The following CPA6 variants were observed in gnomAD, a reference collection of about 807,000 sequenced individuals.
CPA6 encodes carboxypeptidase B.
CPA6 carries 58 observed loss-of-function variants against 63.3 expected under a neutral mutation model. The ratio of observed to expected loss-of-function variants is 0.92; its 90% CI spans 0.74 to 1.14. The LOEUF (loss-of-function observed/expected upper bound fraction) is 1.14. Ranked by LOEUF, CPA6 falls within the 50% of genes most tolerant of loss-of-function variation. The pLI, the probability that CPA6 is intolerant of heterozygous loss-of-function variation, is 0.00. For missense variants in CPA6, 565 were observed against 526.6 expected (o/e 1.07, Z -0.71); for synonymous variants, 185 against 179.0 (o/e 1.03, Z -0.27).
At chr8:67,573,935 T>C (rs1003425277) in intron 2 of CPA6, among the ~76,000 whole-genome samples, 2 of 134,608 alleles carry the variant, frequency 1.5e-5, no homozygotes, top group Non-Finnish European at 3.2e-5. Flanking sequence ...GGAAAGAAAC[T>C]GAAGAAGACA....
intron 1 of CPA6, among the ~76,000 whole-genome samples, chr8:67,744,995 A>G (rs568195124): frequency 6.6e-6 from 1 of 152,326 alleles, no homozygotes; most frequent in African/African-American, 2.4e-5. Context: ...AGAGAAAGAG[A>G]AATACAATTC....
intron 2 of CPA6, among the ~76,000 whole-genome samples, chr8:67,611,568 C>T (rs1814808473): frequency 6.6e-6 from 1 of 152,232 alleles, no homozygotes; most frequent in African/African-American, 2.4e-5. Flanking sequence ...GATCTACCCT[C>T]TTTTTGTCTT....
Position 67,518,000 on chromosome 8 carries a change from T to C in CPA6, c.240A>G (p.Thr80=). The C allele has an allele frequency of 6.2e-7, 1 of 1,613,088 alleles. No homozygotes were observed. Among genetic ancestry groups the C allele is most frequent in the East Asian group, 2.2e-5 (1 of 44,854 alleles). The stretch of plus-strand genomic sequence containing the variant: ...TTTGGGGGATATGGACATCAGTAAC[T>C]GTTCCCTCTGATACATAGGAGATAC... ...PSSISYVSEG[T]VTDVHIPQNG... Residue 80 remains threonine (T), a synonymous_variant, in exon 3 of 11, where the codon ACA becomes ACG. Transcript: ENST00000297770.
intron 2 of CPA6, among the ~76,000 whole-genome samples, chr8:67,576,356 A>G (rs1813626144): frequency 6.6e-6 from 1 of 152,218 alleles, no homozygotes. Context: ...ATCTGGAACC[A>G]CCAGACTTAA....
At chr8:67,436,232 CG>C (rs1810149407) in intron 8 of CPA6, among the ~76,000 whole-genome samples, 2 of 152,058 alleles carry the variant, frequency 1.3e-5, no homozygotes, top group Non-Finnish European at 2.9e-5. Flanking sequence ...AGGAGAGAGG[CG>C]AGAGGCAAGG....
chr8:67,490,463 G>T (rs921891661), intron 6 of CPA6, among the ~76,000 whole-genome samples: 1 of 152,066 alleles, frequency 6.6e-6, no homozygotes, highest in Non-Finnish European at 1.5e-5. Context: ...TGCACCACAC[G>T]CCTCAGTGTG....
intron 8 of CPA6, among the ~76,000 whole-genome samples, chr8:67,466,616 A>T (rs573866263): frequency 1.4e-3 from 206 of 152,236 alleles, no homozygotes; most frequent in Non-Finnish European, 2.1e-3. Context: ...CTTTCCTCTT[A>T]ACACTGCCTT....
intron 10 of CPA6, among the ~76,000 whole-genome samples, chr8:67,423,331 C>T (rs556501837): frequency 1.4e-4 from 21 of 152,338 alleles, no homozygotes; most frequent in South Asian, 6.2e-4. Flanking sequence ...CTGATCCTCC[C>T]GCCTTGGCCT....
Position 67,706,148 on chromosome 8 carries a change from G to A in CPA6, c.116+39866C>T, listed in dbSNP as rs534817629. Among the ~76,000 whole-genome samples the A allele has an allele frequency of 1.2e-4, 18 of 152,184 alleles. No homozygotes were observed. The South Asian group carries it at 3.5e-3, about 30-fold the overall frequency. ...GAAAAAACGTTATACAATTTTAAAG[G>A]TTATTAGGCCTACTAAATGCTTCAT... is the stretch of plus-strand genomic sequence containing the variant. On this transcript the variant is annotated intron_variant, in intron 1 of 10. Transcript: ENST00000297770.
chr8:67,448,362 TG>T (rs1177134843), intron 8 of CPA6, among the ~76,000 whole-genome samples: 1 of 152,106 alleles, frequency 6.6e-6, no homozygotes, highest in Non-Finnish European at 1.5e-5. Context: ...TTTGTTTTTT[TG>T]GTCTTGGTTA....
At chr8:67,675,418 C>G (rs1449617573) in intron 1 of CPA6, among the ~76,000 whole-genome samples, 1 of 152,146 alleles carries the variant, frequency 6.6e-6, no homozygotes, top group Non-Finnish European at 1.5e-5. Context: ...GCCCTTTTTA[C>G]TCATCCCACA....
chr8:67,555,745 C>T (rs941151349), intron 2 of CPA6, among the ~76,000 whole-genome samples: 1 of 152,140 alleles, frequency 6.6e-6, no homozygotes, highest in Non-Finnish European at 1.5e-5. Flanking sequence ...TCTCTGCTAA[C>T]TCTGGGTGTT....
chr8:67,658,723 C>G (rs1423833823), intron 1 of CPA6, among the ~76,000 whole-genome samples: 1 of 152,192 alleles, frequency 6.6e-6, no homozygotes, highest in African/African-American at 2.4e-5. Context: ...CTCAAACCCA[C>G]TTTTCCATTT....
chr8:67,532,406 A>C (rs762138306), intron 2 of CPA6, among the ~76,000 whole-genome samples: 2 of 152,140 alleles, frequency 1.3e-5, no homozygotes, highest in Non-Finnish European at 1.5e-5. Flanking sequence ...GACCAGGTGC[A>C]ATGGCTCACA....
At chr8:67,706,869 C>G (rs1388145502) in intron 1 of CPA6, among the ~76,000 whole-genome samples, 1 of 152,108 alleles carries the variant, frequency 6.6e-6, no homozygotes, top group Non-Finnish European at 1.5e-5. Context: ...TACACTAATG[C>G]AAATGTAAAG....
At chr8:67,535,612 G>T (rs1293646455) in intron 2 of CPA6, among the ~76,000 whole-genome samples, 1 of 152,144 alleles carries the variant, frequency 6.6e-6, no homozygotes, top group Non-Finnish European at 1.5e-5. Context: ...TTAGCTCTCT[G>T]TCAGATGGAT....
chr8:67,658,980 A>G (rs1816050077), intron 1 of CPA6, among the ~76,000 whole-genome samples: 1 of 152,106 alleles, frequency 6.6e-6, no homozygotes, highest in African/African-American at 2.4e-5. Flanking sequence ...ACTCTCCACA[A>G]AGCAGGAAAA....
intron 1 of CPA6, among the ~76,000 whole-genome samples, chr8:67,690,279 T>G (rs771789434): frequency 6.6e-6 from 1 of 152,192 alleles, no homozygotes; most frequent in African/African-American, 2.4e-5. Context: ...TTTTTTAGAA[T>G]CAATTTTTGA....
At chr8:67,625,437 T>C (rs1275660278) in intron 1 of CPA6, among the ~76,000 whole-genome samples, 2 of 152,216 alleles carry the variant, frequency 1.3e-5, no homozygotes, top group African/African-American at 4.8e-5. Context: ...AAGTTTCTCT[T>C]TGGGGGCCTT....
Sources: allele counts gnomAD v4.1 joint callset (sites outside exome capture counted in the v4.1 genomes callset), GRCh38; gene constraint gnomAD v4.1.1; transcripts MANE v1.5; gene names NCBI Gene and HGNC (gene_info 2026-07-23, HGNC 2026-07-21).